The following PCTP variants were observed in gnomAD, a reference collection of about 807,000 sequenced individuals.
PCTP encodes START domain-containing protein 2.
In PCTP, 27 loss-of-function variants were observed where a neutral mutation model predicts 31.0. That is an observed-to-expected ratio of 0.87 (90% confidence interval 0.64 to 1.20). The LOEUF (loss-of-function observed/expected upper bound fraction) is 1.20, where lower values mean the gene tolerates loss of function less well. PCTP is among the 50% of genes most tolerant of loss of function. PCTP has a pLI of 0.00. For synonymous variants in PCTP, 108 were observed against 101.2 expected (o/e 1.07, Z -0.40); for missense variants, 287 against 268.2 (o/e 1.07, Z -0.49).
intron 5 of PCTP, among the ~76,000 whole-genome samples, chr17:55,834,897 C>T (rs1001846481): frequency 2.6e-5 from 4 of 152,116 alleles, no homozygotes; most frequent in Admixed American, 2.0e-4. Context: ...AGTCCAGCCC[C>T]AGGTACCTCA....
chr17:55,809,476 CTTGAGATTGT>C (rs1567727454), intron 3 of PCTP, among the ~76,000 whole-genome samples: 1 of 150,898 alleles, frequency 6.6e-6, no homozygotes, highest in Non-Finnish European at 1.5e-5. Context: ...CAGCTTCTGA[CTTGAGATTGT>C]TTGAGATTGT....
chr17:55,813,949 G>A (rs777706299), intron 3 of PCTP, among the ~76,000 whole-genome samples: 1 of 152,068 alleles, frequency 6.6e-6, no homozygotes, highest in Non-Finnish European at 1.5e-5. Flanking sequence ...GGCTGAGGTG[G>A]GAGGATCACT....
intron 3 of PCTP, among the ~76,000 whole-genome samples, chr17:55,821,747 T>G (rs1305962139): frequency 6.6e-6 from 1 of 152,216 alleles, no homozygotes; most frequent in Non-Finnish European, 1.5e-5. Context: ...AGTTAGGATT[T>G]TAACTCATTT....
rs56823756 is a variant in PCTP, at chr17:55,819,010, C to CAAAAAAAAAAAA, written c.318-3735_318-3724dup. 1.1e-3 allele frequency among the ~76,000 whole-genome samples: 54 copies of CAAAAAAAAAAAA among 51,104 alleles called. 1 individual carries two copies. Among genetic ancestry groups the CAAAAAAAAAAAA allele is most frequent in the African/African-American group, 1.4e-3 (21 of 15,144 alleles). The allele number at this position is 51,104 out of a possible 152,430, so 33.5% of individuals were successfully genotyped here. ...GTCCTACCAGGCTCTGGAAAGAAAT[C>CAAAAAAAAAAAA]AAAAAAAAAAAAAAAAAAAAAAAAA... On this transcript the variant is annotated intron_variant, in intron 3 of 3. Coordinates refer to the PCTP transcript ENST00000572536.
At chr17:55,849,454 C>T in the PCTP span, among the ~76,000 whole-genome samples, 1 of 152,060 alleles carries the variant, frequency 6.6e-6, no homozygotes, top group East Asian at 1.9e-4. Context: ...GAAACCCCAT[C>T]TTTACTAAAA....
intron 3 of PCTP, among the ~76,000 whole-genome samples, chr17:55,792,143 C>T (rs1308494836): frequency 8.6e-6 from 1 of 115,670 alleles, no homozygotes; most frequent in Non-Finnish European, 1.6e-5. Context: ...ACCTCACACT[C>T]TGGGGACTGT....
At position 55,786,407 on chromosome 17, in the gene PCTP, A is replaced by C. The variant is rs937085410; in HGVS notation, c.229-1159A>C. 1.5e-4 allele frequency among the ~76,000 whole-genome samples: 23 copies of C among 152,250 alleles called. 1 individual carries two copies. The highest frequency in any genetic ancestry group is 3.9e-4 in the Admixed American group (6 of 15,288). The stretch of plus-strand genomic sequence containing the variant: ...GAAAAGATACCTAATGTAAATGATG[A>C]GTTAATGGGTGCAGCACACCAACAT... On this transcript the variant is annotated intron_variant, in intron 2 of 3. Transcript: ENST00000572536.
intron 5 of PCTP, among the ~76,000 whole-genome samples, chr17:55,838,837 G>A (rs1332515776): frequency 6.6e-6 from 1 of 152,136 alleles, no homozygotes; most frequent in Non-Finnish European, 1.5e-5. Flanking sequence ...TCATAAATGA[G>A]CTATTTAACC....
downstream of PCTP, among the ~76,000 whole-genome samples, chr17:55,779,387 A>G (rs1911478701): frequency 6.6e-6 from 1 of 152,222 alleles, no homozygotes; most frequent in Non-Finnish European, 1.5e-5. Flanking sequence ...GGCTGGATGA[A>G]GGTTGCAGAA....
rs751001129 is a variant in PCTP at position 55,751,087 on chromosome 17, G to A, written c.-17G>A. The A allele has an allele frequency of 6.2e-5, 94 of 1,524,786 alleles. No individual in the cohort carries two copies. The highest frequency in any genetic ancestry group is 7.8e-5 in the Non-Finnish European group (89 of 1,136,790). The allele number at this position is 1,524,786 out of a possible 1,614,324, so 94.5% of individuals were successfully genotyped here. A position where few individuals can be genotyped will look rare whatever the true frequency, so the allele number is the denominator to read the frequency against. On this transcript the variant is annotated 5_prime_UTR_variant, in exon 1 of 6. Coordinates refer to ENST00000268896, the MANE Select transcript of PCTP (RefSeq NM_021213.4). ...CGCGGCCTGCCCTCCAGGCGGAGGA[G>A]CCCGGACTGCGGAAGGATGGAGCTG...
At chr17:55,832,845 T>C (rs1905649498) in intron 5 of PCTP, among the ~76,000 whole-genome samples, 1 of 152,218 alleles carries the variant, frequency 6.6e-6, no homozygotes, top group Non-Finnish European at 1.5e-5. Context: ...TCCCATTTTT[T>C]TGATCAGCAC....
intron 1 of PCTP, among the ~76,000 whole-genome samples, chr17:55,764,041 GGTT>G (rs1213106675): frequency 1.3e-5 from 2 of 152,120 alleles, no homozygotes; most frequent in African/African-American, 4.8e-5. Flanking sequence ...CGCAAATTAT[GGTT>G]GTTCTATTTT....
chr17:55,778,457 T>G (rs529971284), downstream of PCTP, among the ~76,000 whole-genome samples: 4 of 152,274 alleles, frequency 2.6e-5, no homozygotes, highest in South Asian at 8.3e-4. Flanking sequence ...GGGTAGTATA[T>G]AGTAGGCACT....
intron 1 of PCTP, among the ~76,000 whole-genome samples, chr17:55,756,033 G>A (rs946829117): frequency 1.2e-4 from 19 of 152,218 alleles, no homozygotes; most frequent in African/African-American, 3.9e-4. Flanking sequence ...GCTGCCATGG[G>A]TATTGTGGGA....
chr17:55,754,420 G>A (rs1003125931), intron 1 of PCTP, among the ~76,000 whole-genome samples: 1 of 152,196 alleles, frequency 6.6e-6, no homozygotes, highest in Non-Finnish European at 1.5e-5. Flanking sequence ...CATAAGATGA[G>A]ATATGGGGGA....
In PCTP at chr17:55,768,576, C is replaced by T. The variant is rs532582987; in HGVS notation, c.259+1124C>T. Among the ~76,000 whole-genome samples the T allele has an allele frequency of 5.3e-5, 8 of 152,226 alleles. No individual in the cohort carries two copies. In the South Asian group the frequency reaches 1.5e-3, roughly 28 times the overall value. Reference sequence around the variant, plus strand: ...AGTAAGAGAACCTATCCTAGGTCTTCGACTACTGTTAGTACTAGTTCTACT... The same window carrying T: ...AGTAAGAGAACCTATCCTAGGTCTTTGACTACTGTTAGTACTAGTTCTACT... On this transcript the variant is annotated intron_variant, in intron 2 of 5. Coordinates refer to ENST00000268896, the MANE Select transcript of PCTP (RefSeq NM_021213.4).
At chr17:55,828,436 A>C (rs1047466997) in intron 5 of PCTP, among the ~76,000 whole-genome samples, 5 of 152,108 alleles carry the variant, frequency 3.3e-5, no homozygotes, top group Non-Finnish European at 7.4e-5. Context: ...CTCTGCCTTC[A>C]TCTTAATATG....
At chr17:55,777,520 G>A (rs1911398233), downstream of PCTP, 1 of 425,018 alleles carries the variant, frequency 2.4e-6, no homozygotes, top group African/African-American at 2.2e-5. Context: ...TGCATGATCA[G>A]GTGTAGGTAT....
chr17:55,804,025 AC>A (rs1912489762), intron 3 of PCTP, among the ~76,000 whole-genome samples: 1 of 152,226 alleles, frequency 6.6e-6, no homozygotes, highest in Non-Finnish European at 1.5e-5. Context: ...CAAGAAAAAA[AC>A]AACCCCATCA....
Sources: allele counts gnomAD v4.1 joint callset (sites outside exome capture counted in the v4.1 genomes callset), GRCh38; gene constraint gnomAD v4.1.1; transcripts MANE v1.5; gene names NCBI Gene and HGNC (gene_info 2026-07-23, HGNC 2026-07-21).